Variants in TOR1A observed in about 807,000 individuals in gnomAD.
TOR1A encodes the protein torsin family 1 member A, also known as torsin-1A.
Under a neutral mutation model 31.4 loss-of-function variants are expected in TOR1A, and 18 were observed. The observed-to-expected ratio is 0.57, with a 90% CI of 0.40 to 0.85. The LOEUF (loss-of-function observed/expected upper bound fraction) is 0.85. TOR1A is among the 40% of genes least tolerant of loss of function. The probability of loss-of-function intolerance (pLI) is 0.00; values close to 1 mark genes in which losing one functional copy is unlikely to be tolerated. For missense variants in TOR1A, 375 were observed against 416.4 expected (o/e 0.90, Z 0.87); for synonymous variants, 168 against 165.9 (o/e 1.01, Z -0.10).
chr9:129,823,588 A>C, intron 1 of TOR1A: 3 of 238,370 alleles, frequency 1.3e-5, no homozygotes, highest in East Asian at 1.1e-4. Flanking sequence ...GCCATCCCCC[A>C]GCCTCCATCC....
chr9:129,822,308 C>CTTAG, intron 2 of TOR1A: 1 of 503,488 alleles, frequency 2.0e-6, no homozygotes, highest in Non-Finnish European at 3.6e-6. Context: ...ATGTGTTGAT[C>CTTAG]TCTAAGATGG....
Position 129,823,885 on chromosome 9 carries a change from CTCCAG to C in TOR1A, c.178+18_178+22del. On this transcript the variant is annotated intron_variant, in intron 1 of 4. Coordinates refer to ENST00000351698, the MANE Select transcript of TOR1A (RefSeq NM_000113.3). The stretch of plus-strand genomic sequence containing the variant: ...GCCCAGCCCCAGCCCCAGCCCCAGC[CTCCAG>C]CCCCCGCCCCAGCCTACCCTCCCGG... 9 of 1,528,074 alleles carry C rather than the reference CTCCAG, an allele frequency of 5.9e-6. No homozygotes were observed. The highest frequency in any genetic ancestry group is 2.5e-5 in the East Asian group (1 of 40,104). 94.7% of individuals were successfully genotyped at this position (1,528,074 alleles called of 1,614,324 possible).
At position 129,813,891 on chromosome 9, in the gene TOR1A, G is replaced by T; in HGVS notation, c.*81C>A. 6.4e-7 allele frequency: 1 copy of T among 1,556,992 alleles called. No individual in the cohort carries two copies. Among genetic ancestry groups the T allele is most frequent in the Non-Finnish European group, 8.8e-7 (1 of 1,137,176 alleles). On this transcript the variant is annotated 3_prime_UTR_variant, in exon 5 of 5. Coordinates refer to ENST00000351698, the MANE Select transcript of TOR1A (RefSeq NM_000113.3). Reference sequence around the variant, plus strand: ...CTGGATTCCTCTTCCAGGGAAAGGAGCTGGGGGTGGAAGTGTGGAAGGACT... The same window carrying T: ...CTGGATTCCTCTTCCAGGGAAAGGATCTGGGGGTGGAAGTGTGGAAGGACT...
chr9:129,814,676 C>T (rs965208831), intron 4 of TOR1A, among the ~76,000 whole-genome samples: 2 of 151,320 alleles, frequency 1.3e-5, no homozygotes, highest in Non-Finnish European at 2.9e-5. Flanking sequence ...CTTAAGAGAT[C>T]GAAGATGGGA....
At position 129,818,710 on chromosome 9, in the gene TOR1A, G is replaced by A. The variant is rs2274506; in HGVS notation, c.620+35C>T. The A allele has an allele frequency of 7.6e-5, 122 of 1,613,758 alleles. 1 individual carries two copies. The East Asian group carries it at 2.0e-3, about 26-fold the overall frequency. On this transcript the variant is annotated intron_variant, in intron 3 of 4. Transcript: ENST00000351698. ...TCCTGGAGCTCAGAGGCTTGGGCTC[G>A]GGGCCCATCCATCATGTCCTAGCCC...
In TOR1A at chr9:129,816,191, C is replaced by T. The variant is rs185907958; in HGVS notation, c.749-1969G>A. ...CACAGGCCCCCCTCGGGCCCCTGGACGTGCTGTCCGCACTGGGGAATGCTT... is the reference window on the plus strand; with the variant it reads ...CACAGGCCCCCCTCGGGCCCCTGGATGTGCTGTCCGCACTGGGGAATGCTT... On this transcript the variant is annotated intron_variant, in intron 4 of 4. Transcript: ENST00000351698. Among the ~76,000 whole-genome samples the T allele has an allele frequency of 7.2e-5, 11 of 152,296 alleles. No homozygotes were observed. In the East Asian group the frequency reaches 1.9e-3, roughly 27 times the overall value.
chr9:129,813,865 A>C lies in TOR1A; in HGVS notation c.*107T>G. Reference sequence around the variant, plus strand: ...CCTGTCACATCAAACAGGAACATTCACTGGATTCCTCTTCCAGGGAAAGGA... The same window carrying C: ...CCTGTCACATCAAACAGGAACATTCCCTGGATTCCTCTTCCAGGGAAAGGA... On this transcript the variant is annotated 3_prime_UTR_variant, in exon 5 of 5. Coordinates refer to ENST00000351698, the MANE Select transcript of TOR1A (RefSeq NM_000113.3). The C allele has an allele frequency of 1.4e-6, 2 of 1,476,142 alleles. No homozygotes were observed. Among genetic ancestry groups the C allele is most frequent in the Admixed American group, 3.4e-5 (2 of 58,762 alleles). 91.4% of individuals were successfully genotyped at this position (1,476,142 alleles called of 1,614,324 possible).
intron 2 of TOR1A, among the ~76,000 whole-genome samples, chr9:129,819,940 A>T (rs10988527): frequency 0.028 from 4,045 of 146,648 alleles, 92 homozygotes; most frequent in Middle Eastern, 0.051. Flanking sequence ...CAAAAAAAAA[A>T]AATAATAATA....
At chr9:129,818,993 G>A in intron 2 of TOR1A, 73 bp from the exon 3 acceptor site, 1 of 1,539,536 alleles carries the variant, frequency 6.5e-7, no homozygotes, top group East Asian at 2.3e-5. Flanking sequence ...CTACCACTAA[G>A]AACCGCAGCT....
chr9:129,816,263 G>A (rs2031036573), intron 4 of TOR1A, among the ~76,000 whole-genome samples: 1 of 152,090 alleles, frequency 6.6e-6, no homozygotes, highest in Admixed American at 6.5e-5. Flanking sequence ...CAGCCCAAAT[G>A]CCACCCTCAC....
At position 129,813,988 on chromosome 9, in the gene TOR1A, T is replaced by C; in HGVS notation, c.983A>G (p.Tyr328Cys). 6.2e-7 allele frequency: 1 copy of C among 1,614,178 alleles called. No individual in the cohort carries two copies. The highest frequency in any genetic ancestry group is 2.2e-5 in the East Asian group (1 of 44,884). The change falls in exon 5 of 5, where the codon TAT becomes TGT. Residue 328 changes from tyrosine to cysteine, a missense_variant. Physicochemically the swap from Tyr to Cys is radical, Grantham distance 194. Coordinates refer to ENST00000351698, the MANE Select transcript of TOR1A (RefSeq NM_000113.3). Reference sequence around the variant, plus strand: ...TCATGACTGTCAATCATCGTAGTAATAATCTAACTTGGTGAACACCGTTTT... The same window carrying C: ...TCATGACTGTCAATCATCGTAGTAACAATCTAACTTGGTGAACACCGTTTT... ...GCKTVFTKLDYYYDD is the reference protein window; with the variant it reads ...GCKTVFTKLDCYYDD
Position 129,818,743 on chromosome 9 carries a change from AC to A in TOR1A, c.620+1del. 1.2e-6 allele frequency: 2 copies of A among 1,613,456 alleles called. No individual in the cohort carries two copies. Among genetic ancestry groups the A allele is most frequent in the Non-Finnish European group, 1.7e-6 (2 of 1,180,030 alleles). ...TCCATCATGTCCTAGCCCTGACCTTACCTGAGAAATATGAACATGGCTTTCT... is the reference window on the plus strand; with the variant it reads ...TCCATCATGTCCTAGCCCTGACCTTACTGAGAAATATGAACATGGCTTTCT... On this transcript the variant is annotated splice_donor_variant, in intron 3 of 4. Coordinates refer to ENST00000351698, the MANE Select transcript of TOR1A (RefSeq NM_000113.3). LOFTEE classifies it high-confidence loss of function.
In TOR1A at chr9:129,818,624, G is replaced by A. The variant is rs534094628; in HGVS notation, c.644C>T (p.Thr215Ile). The A allele has an allele frequency of 1.9e-6, 3 of 1,614,220 alleles. No homozygotes were observed. Among genetic ancestry groups the A allele is most frequent in the East Asian group, 4.5e-5 (2 of 44,884 alleles). The change falls in exon 4 of 5, where the codon ACA becomes ATA. Residue 215 changes from threonine to isoleucine, a missense_variant. Coordinates refer to ENST00000351698, the MANE Select transcript of TOR1A (RefSeq NM_000113.3). ...FLSNAGAERI[T>I]DVALDFWRSG... Reference sequence around the variant, plus strand: ...CCTCCAGAAATCCAAAGCCACATCTGTGATCCTTTCTGCTCCAGCATTGCT... The same window carrying A: ...CCTCCAGAAATCCAAAGCCACATCTATGATCCTTTCTGCTCCAGCATTGCT...
intron 4 of TOR1A, among the ~76,000 whole-genome samples, 186 bp from the exon 5 acceptor site, chr9:129,814,408 ACCCT>A (rs2030982487): frequency 2.0e-5 from 1 of 50,996 alleles, no homozygotes; most frequent in South Asian, 7.9e-4. Flanking sequence ...GGGGTCACCC[ACCCT>A]CCCATCCATC....
intron 4 of TOR1A, among the ~76,000 whole-genome samples, chr9:129,814,784 C>T (rs756604405): frequency 6.6e-5 from 10 of 151,980 alleles, no homozygotes; most frequent in Admixed American, 6.6e-4. Flanking sequence ...GGAAGGACTA[C>T]CAGCCACGCC....
chr9:129,814,752 C>A (rs563486777), intron 4 of TOR1A, among the ~76,000 whole-genome samples: 1 of 151,580 alleles, frequency 6.6e-6, no homozygotes, highest in East Asian at 2.0e-4. Context: ...CCACAGAAAG[C>A]GGGAAGCAAG....
At chr9:129,819,242 G>A (rs2031121923) in intron 2 of TOR1A, among the ~76,000 whole-genome samples, 1 of 152,324 alleles carries the variant, frequency 6.6e-6, no homozygotes, top group East Asian at 1.9e-4. Context: ...ACTGCGAGAT[G>A]CCACACGGAT....
chr9:129,813,424 G>A lies in TOR1A; in HGVS notation c.*548C>T. 1 of 230,882 alleles carries A rather than the reference G, an allele frequency of 4.3e-6. No individual in the cohort carries two copies. The highest frequency in any genetic ancestry group is 5.6e-5 in the South Asian group (1 of 17,824). 14.3% of individuals were successfully genotyped at this position (230,882 alleles called of 1,614,324 possible). A position where few individuals can be genotyped will look rare whatever the true frequency, so the allele number is the denominator to read the frequency against. ...CATCCGCTGGGACCATCCTGGGACA[G>A]AGCTGGCTCATGCTCCAGCCACATC... On this transcript the variant is annotated 3_prime_UTR_variant, in exon 5 of 5. Coordinates refer to ENST00000351698, the MANE Select transcript of TOR1A (RefSeq NM_000113.3).
chr9:129,814,385 CCCA>C (rs1393040005), intron 4 of TOR1A, among the ~76,000 whole-genome samples, 163 bp from the exon 5 acceptor site: 2 of 137,138 alleles, frequency 1.5e-5, no homozygotes, highest in African/African-American at 2.7e-5. Flanking sequence ...ACCCACCCCC[CCCA>C]CATCTACTAG....
Sources: allele counts gnomAD v4.1 joint callset (sites outside exome capture counted in the v4.1 genomes callset), GRCh38; gene constraint gnomAD v4.1.1; transcripts MANE v1.5; gene names NCBI Gene and HGNC (gene_info 2026-07-23, HGNC 2026-07-21).